ANAPC1: variants seen among roughly 807,000 people sequenced by gnomAD.
ANAPC1 encodes anaphase promoting complex subunit 1.
In ANAPC1, 36 loss-of-function variants were observed where a neutral mutation model predicts 208.0. That is an observed-to-expected ratio of 0.17 (90% CI 0.13 to 0.23). The LOEUF (loss-of-function observed/expected upper bound fraction) is 0.23, where lower values mean the gene tolerates loss of function less well. ANAPC1 is among the 10% of genes least tolerant of loss of function. The pLI, the probability that ANAPC1 is intolerant of heterozygous loss-of-function variation, is 1.00. For missense variants in ANAPC1, 942 were observed against 2,011.6 expected (o/e 0.47, Z 10.17); for synonymous variants, 378 against 695.2 (o/e 0.54, Z 7.18).
At chr2:111,879,207 TG>T (rs1683171976) in intron 2 of ANAPC1, among the ~76,000 whole-genome samples, 1 of 152,196 alleles carries the variant, frequency 6.6e-6, no homozygotes, top group African/African-American at 2.4e-5. Context: ...TATATTACTC[TG>T]CCAAAAACAA....
intron 28 of ANAPC1, among the ~76,000 whole-genome samples, chr2:111,810,965 T>C (rs897968815): frequency 6.6e-6 from 1 of 151,208 alleles, no homozygotes; most frequent in African/African-American, 2.4e-5. Flanking sequence ...TCCTAGAATG[T>C]ATATTAAGAG....
intron 2 of ANAPC1, among the ~76,000 whole-genome samples, chr2:111,880,339 T>G (rs951155437): frequency 1.3e-5 from 2 of 151,848 alleles, no homozygotes; most frequent in Non-Finnish European, 2.9e-5. Flanking sequence ...ACCAGTGCAC[T>G]CCAGCCCGGG....
At position 111,880,843 on chromosome 2, in the gene ANAPC1, A is replaced by G; in HGVS notation, c.-18T>C. 1 of 1,612,956 alleles carries G rather than the reference A, an allele frequency of 6.2e-7. No homozygotes were observed. Among genetic ancestry groups the G allele is most frequent in the South Asian group, 1.1e-5 (1 of 90,976 alleles). Reference sequence around the variant, plus strand: ...TTCGACATGGGTTCCAAATATCAACATTATTTCTGTATGAATTCAAACACA... The same window carrying G: ...TTCGACATGGGTTCCAAATATCAACGTTATTTCTGTATGAATTCAAACACA... On this transcript the variant is annotated 5_prime_UTR_variant, in exon 2 of 48. The change abolishes an upstream ATG in the 5' untranslated region. Transcript: ENST00000341068.
In ANAPC1 at chr2:111,769,517, T is replaced by C. The variant is rs535887159; in HGVS notation, c.5720-111A>G. 5.6e-5 allele frequency: 34 copies of C among 607,124 alleles called. No homozygotes were observed. The East Asian group carries it at 8.1e-4, about 14-fold the overall frequency. 37.6% of individuals were successfully genotyped at this position (607,124 alleles called of 1,614,324 possible). The stretch of plus-strand genomic sequence containing the variant: ...CATGTTTAAAACAGGCATTTTTCCC[T>C]TTGAAAATGACTATGCAAAGACAAT... On this transcript the variant is annotated intron_variant, in intron 47 of 47. Transcript: ENST00000341068.
At chr2:111,878,731 T>C (rs1267109360) in intron 3 of ANAPC1, 79 bp downstream of exon 3, 20 of 1,580,978 alleles carry the variant, frequency 1.3e-5, no homozygotes, top group Non-Finnish European at 1.5e-5. Context: ...GTTTTATCAT[T>C]TCTGTTAAAT....
intron 3 of ANAPC1, among the ~76,000 whole-genome samples, chr2:111,874,138 C>G (rs1169087648): frequency 6.6e-6 from 1 of 152,134 alleles, no homozygotes; most frequent in Non-Finnish European, 1.5e-5. Flanking sequence ...TAACTCCTCC[C>G]TTTCTTAAAA....
intron 7 of ANAPC1, among the ~76,000 whole-genome samples, chr2:111,866,876 G>GT (rs1682453702): frequency 6.6e-6 from 1 of 150,496 alleles, no homozygotes; most frequent in Non-Finnish European, 1.5e-5. Context: ...TCTGCAATTA[G>GT]TAACAACATA....
chr2:111,826,472 C>G (rs1679837891), intron 21 of ANAPC1, among the ~76,000 whole-genome samples: 1 of 152,050 alleles, frequency 6.6e-6, no homozygotes, highest in African/African-American at 2.4e-5. Context: ...CTTTTTTGTG[C>G]TACTTCTTTA....
At chr2:111,787,751 T>C (rs1331097875) in intron 39 of ANAPC1, among the ~76,000 whole-genome samples, 1 of 150,924 alleles carries the variant, frequency 6.6e-6, no homozygotes, top group Non-Finnish European at 1.5e-5. Flanking sequence ...AAATTGTCTC[T>C]GGTTTTTTGC....
chr2:111,843,708 A>G lies in ANAPC1; in HGVS notation c.1853-109T>C, dbSNP rs890380825. 21 of 869,336 alleles carry G rather than the reference A, an allele frequency of 2.4e-5. No individual in the cohort carries two copies. The Admixed American group carries it at 4.2e-4, about 17-fold the overall frequency. 53.9% of individuals were successfully genotyped at this position (869,336 alleles called of 1,614,324 possible). On this transcript the variant is annotated intron_variant, in intron 16 of 47. Coordinates refer to ENST00000341068, the MANE Select transcript of ANAPC1 (RefSeq NM_022662.4). ...TACTATGTAAAGGCCAATTATTATG[A>G]AAAGAAAACTGTCATTAAAGAGCCA...
Position 111,856,827 on chromosome 2 carries a change from T to C in ANAPC1, c.1418A>G (p.Asn473Ser), listed in dbSNP as rs1409319886. The C allele has an allele frequency of 1.9e-6, 3 of 1,612,858 alleles. No individual in the cohort carries two copies. Among genetic ancestry groups the C allele is most frequent in the South Asian group, 1.1e-5 (1 of 91,044 alleles). ...KTQLIFGSVT[N>S]IPAKDAAPVE... ...TGGTGCTGCATCCTTTGCTGGTATGTTGGTCACTGAACCAAAGATGAGCTG... is the reference window on the plus strand; with the variant it reads ...TGGTGCTGCATCCTTTGCTGGTATGCTGGTCACTGAACCAAAGATGAGCTG... The change falls in exon 12 of 48, where the codon AAC (asparagine) becomes AGC (serine). Residue 473 changes from asparagine (N) to serine (S), a missense_variant. Coordinates refer to ENST00000341068, the MANE Select transcript of ANAPC1 (RefSeq NM_022662.4).
intron 6 of ANAPC1, among the ~76,000 whole-genome samples, chr2:111,869,320 T>C (rs1195223807): frequency 1.3e-5 from 2 of 152,006 alleles, no homozygotes; most frequent in South Asian, 2.1e-4. Flanking sequence ...CTCGGCTCAC[T>C]GCAACCTCCG....
intron 30 of ANAPC1, 27 bp downstream of exon 30, chr2:111,805,775 G>C: frequency 4.1e-6 from 1 of 241,356 alleles, no homozygotes; most frequent in Non-Finnish European, 7.2e-6. Context: ...CCTAACTGAA[G>C]CATGGGAAGG....
chr2:111,776,103 A>T (rs55913672), intron 46 of ANAPC1, among the ~76,000 whole-genome samples: 17,312 of 147,710 alleles, frequency 0.12, 716 homozygotes, highest in East Asian at 0.3. Flanking sequence ...AGTTTTCACT[A>T]ATCAAAGCAA....
chr2:111,809,950 C>T (rs978896122), intron 28 of ANAPC1, among the ~76,000 whole-genome samples: 1 of 145,416 alleles, frequency 6.9e-6, no homozygotes, highest in Non-Finnish European at 1.5e-5. Flanking sequence ...CACTACTTAC[C>T]ATTACTTCAT....
At chr2:111,874,206 G>A (rs148993967) in intron 3 of ANAPC1, among the ~76,000 whole-genome samples, 1 of 151,838 alleles carries the variant, frequency 6.6e-6, no homozygotes, top group Non-Finnish European at 1.5e-5. Context: ...GACATACCTG[G>A]CAATCACTTA....
At chr2:111,825,420 T>C (rs1308975860) in intron 22 of ANAPC1, among the ~76,000 whole-genome samples, 2 of 152,180 alleles carry the variant, frequency 1.3e-5, no homozygotes, top group Non-Finnish European at 2.9e-5. Flanking sequence ...AGAACCTGCA[T>C]ATGGGTTTCA....
intron 19 of ANAPC1, among the ~76,000 whole-genome samples, 187 bp downstream of exon 19, chr2:111,834,417 G>A (rs189296583): frequency 2.6e-5 from 4 of 151,954 alleles, no homozygotes; most frequent in African/African-American, 9.7e-5. Flanking sequence ...ATCCCTGCAT[G>A]GCTCACAGGC....
intron 17 of ANAPC1, among the ~76,000 whole-genome samples, chr2:111,839,329 A>G (rs1680636934): frequency 6.6e-6 from 1 of 152,240 alleles, no homozygotes; most frequent in Non-Finnish European, 1.5e-5. Context: ...TTCTATTACA[A>G]TAGTGAGCCT....
Sources: gnomAD v4.1 joint callset for allele counts (sites outside exome capture counted in the v4.1 genomes callset) on GRCh38, gnomAD v4.1.1 for gene constraint, MANE v1.5 for transcripts, NCBI Gene and HGNC (gene_info 2026-07-23, HGNC 2026-07-21) for gene names.